The following DMD variants were observed in gnomAD, a reference collection of about 807,000 sequenced individuals.
DMD encodes mutant dystrophin.
In DMD, 63 loss-of-function variants were observed where a neutral mutation model predicts 330.1. The observed-to-expected ratio is 0.19, with a 90% CI of 0.16 to 0.24. The LOEUF (loss-of-function observed/expected upper bound fraction) is 0.24, where lower values mean the gene tolerates loss of function less well. Among genes scored for constraint, DMD ranks in the 10% least tolerant of loss-of-function variants. DMD has a pLI of 1.00. For synonymous variants in DMD, 1,223 were observed against 959.8 expected (o/e 1.27, Z -5.07); for missense variants, 3,344 against 2,684.1 (o/e 1.25, Z -5.43).
Position 31,724,841 on chromosome X carries a change from C to T in DMD, c.7660+4790G>A, listed in dbSNP as rs1213815855. 4.5e-5 allele frequency among the ~76,000 whole-genome samples: 5 copies of T among 111,951 alleles called. No homozygotes were observed. The East Asian group carries it at 1.4e-3, about 31-fold the overall frequency. On this transcript the variant is annotated intron_variant, in intron 52 of 78. Transcript: ENST00000357033. ...AGCCCCACATGACAGATGAGAGAAC[C>T]ACAGTTTAGGAAAGAGAATTAACTT...
intron 1 of DMD, among the ~76,000 whole-genome samples, chrX:33,305,604 C>A (rs867081469): frequency 1.1e-4 from 9 of 84,272 alleles, no homozygotes; most frequent in East Asian, 3.8e-4. Flanking sequence ...AATATAACTT[C>A]AAAAAAAAAA....
intron 19 of DMD, among the ~76,000 whole-genome samples, chrX:32,498,028 C>T (rs2043669832): frequency 9.0e-6 from 1 of 111,545 alleles, no homozygotes; most frequent in African/African-American, 3.2e-5. Flanking sequence ...AGTTATATCA[C>T]ATCTTTCTTA....
At chrX:31,140,010 A>G (rs2035843835) in intron 76 of DMD, among the ~76,000 whole-genome samples, 1 of 112,843 alleles carries the variant, frequency 8.9e-6, no homozygotes, top group Non-Finnish European at 1.9e-5. Context: ...GCAAAATATG[A>G]TAGTCTCCTT....
At chrX:33,026,088 C>A (rs1390506004) in intron 1 of DMD, among the ~76,000 whole-genome samples, 1 of 109,653 alleles carries the variant, frequency 9.1e-6, no homozygotes, top group Non-Finnish European at 1.9e-5. Flanking sequence ...GTAATCCCAG[C>A]ACTTTGGGAG....
At chrX:32,420,182 C>T (rs2098183989) in intron 29 of DMD, among the ~76,000 whole-genome samples, 1 of 111,588 alleles carries the variant, frequency 9.0e-6, no homozygotes, top group South Asian at 3.8e-4. Context: ...CACATGTGTT[C>T]ATATTATTAA....
At chrX:32,338,787 C>T (rs1472503666) in intron 41 of DMD, among the ~76,000 whole-genome samples, 2 of 111,338 alleles carry the variant, frequency 1.8e-5, no homozygotes, top group African/African-American at 6.5e-5. Context: ...TTTCCAAATG[C>T]TACAATGATG....
intron 7 of DMD, among the ~76,000 whole-genome samples, chrX:32,787,775 A>G (rs765843307): frequency 2.9e-5 from 3 of 104,399 alleles, no homozygotes; most frequent in Non-Finnish European, 5.8e-5. Flanking sequence ...CAGAAACTGT[A>G]ATGAATAAGG....
At chrX:33,046,377 T>G (rs1441617644) in intron 1 of DMD, among the ~76,000 whole-genome samples, 4 of 111,839 alleles carry the variant, frequency 3.6e-5, no homozygotes, top group African/African-American at 1.3e-4. Flanking sequence ...GATGTATAAT[T>G]TAGTGCAAAG....
chrX:31,866,618 C>T (rs1405939803), intron 48 of DMD, among the ~76,000 whole-genome samples: 1 of 112,177 alleles, frequency 8.9e-6, no homozygotes, highest in East Asian at 2.8e-4. Flanking sequence ...ACAGTTCACA[C>T]TTAGCTAATT....
chrX:31,643,404 T>C (rs2079894288), intron 54 of DMD, among the ~76,000 whole-genome samples: 1 of 111,869 alleles, frequency 8.9e-6, no homozygotes, highest in African/African-American at 3.2e-5. Flanking sequence ...TTTGAAAATA[T>C]GAACATCATC....
intron 11 of DMD, among the ~76,000 whole-genome samples, chrX:32,616,034 G>A (rs778448282): frequency 2.7e-5 from 3 of 110,872 alleles, no homozygotes; most frequent in African/African-American, 9.8e-5. Flanking sequence ...GGCCAGGCTG[G>A]TATTTTGTAG....
chrX:33,015,934 T>G (rs757352379), intron 2 of DMD, among the ~76,000 whole-genome samples: 31 of 110,933 alleles, frequency 2.8e-4, no homozygotes, highest in Non-Finnish European at 4.7e-4. Flanking sequence ...AACAACTGTT[T>G]CAGCACTGAC....
At position 33,225,606 on chromosome X, in the gene DMD, A is replaced by T. The variant is rs760371572; in HGVS notation, c.7+113653T>A. ...TGAATTTAAATGTGAAACACAAAAT[A>T]ATAAATATTTTACAAAAACATACAG... On this transcript the variant is annotated intron_variant, in intron 1 of 17. Coordinates refer to the DMD transcript ENST00000288447. Among the ~76,000 whole-genome samples, 182 of 112,155 alleles carry T rather than the reference A, an allele frequency of 1.6e-3. 1 individual carries two copies. Among genetic ancestry groups the T allele is most frequent in the Admixed American group, 2.3e-3 (24 of 10,521 alleles).
intron 1 of DMD, among the ~76,000 whole-genome samples, chrX:33,224,798 A>G (rs1488701040): frequency 9.0e-6 from 1 of 111,543 alleles, no homozygotes; most frequent in Non-Finnish European, 1.9e-5. Context: ...TAATAATGAC[A>G]GAGGCCATGC....
At chrX:31,200,062 C>A (rs2043285179) in intron 67 of DMD, among the ~76,000 whole-genome samples, 1 of 112,208 alleles carries the variant, frequency 8.9e-6, no homozygotes, top group Non-Finnish European at 1.9e-5. Flanking sequence ...TACAATGGAT[C>A]CATTCAACCT....
intron 1 of DMD, among the ~76,000 whole-genome samples, chrX:33,281,058 A>G (rs753500574): frequency 8.9e-6 from 1 of 111,955 alleles, no homozygotes; most frequent in Non-Finnish European, 1.9e-5. Context: ...GAGTTTTCCA[A>G]TCCATGAACA....
intron 55 of DMD, among the ~76,000 whole-genome samples, chrX:31,562,259 A>G (rs2075239523): frequency 8.9e-6 from 1 of 111,907 alleles, no homozygotes. Flanking sequence ...CATCATAGAC[A>G]ATGCCAAAAT....
At chrX:32,281,814 T>A (rs770736731) in intron 43 of DMD, among the ~76,000 whole-genome samples, 39 of 111,995 alleles carry the variant, frequency 3.5e-4, no homozygotes, top group Non-Finnish European at 9.4e-5. Context: ...TCTCTAATTT[T>A]TTTAGAGGTT....
chrX:33,226,290 G>C (rs1271349101), intron 1 of DMD, among the ~76,000 whole-genome samples: 1 of 111,411 alleles, frequency 9.0e-6, no homozygotes, highest in Admixed American at 9.6e-5. Flanking sequence ...AGCTGTATTT[G>C]TAATAGGCAG....
Sources: gnomAD v4.1 joint callset for allele counts (sites outside exome capture counted in the v4.1 genomes callset) on GRCh38, gnomAD v4.1.1 for gene constraint, MANE v1.5 for transcripts, NCBI Gene and HGNC (gene_info 2026-07-23, HGNC 2026-07-21) for gene names.